The following PDE1C variants were observed in gnomAD, a reference collection of about 807,000 sequenced individuals.
PDE1C encodes phosphodiesterase 1C.
Under a neutral mutation model 93.1 loss-of-function variants are expected in PDE1C, and 62 were observed. The observed-to-expected ratio is 0.67, with a 90% confidence interval of 0.54 to 0.82. The LOEUF (loss-of-function observed/expected upper bound fraction) is 0.82, where lower values mean the gene tolerates loss of function less well. PDE1C is among the 40% of genes least tolerant of loss of function. The pLI, the probability that PDE1C is intolerant of heterozygous loss-of-function variation, is 0.00. For synonymous variants in PDE1C, 325 were observed against 310.1 expected (o/e 1.05, Z -0.50); for missense variants, 742 against 884.6 (o/e 0.84, Z 2.04).
intron 3 of PDE1C, among the ~76,000 whole-genome samples, chr7:31,880,294 G>A (rs554739211): frequency 2.6e-5 from 4 of 152,262 alleles, no homozygotes; most frequent in Admixed American, 6.5e-5. Flanking sequence ...AGCGACATAC[G>A]TAAGACTGAA....
At chr7:31,979,785 C>T (rs1431064660) in intron 2 of PDE1C, among the ~76,000 whole-genome samples, 1 of 152,118 alleles carries the variant, frequency 6.6e-6, no homozygotes, top group East Asian at 1.9e-4. Flanking sequence ...GCCAAGGAAA[C>T]AAAGAAGGAG....
intron 1 of PDE1C, among the ~76,000 whole-genome samples, chr7:32,244,427 A>G (rs1245901861): frequency 2.0e-5 from 3 of 152,204 alleles, no homozygotes; most frequent in Non-Finnish European, 4.4e-5. Context: ...GCCCTGACCT[A>G]GCCAGTCCTG....
At chr7:32,364,399 G>A (rs899008576) in intron 1 of PDE1C, among the ~76,000 whole-genome samples, 1 of 152,196 alleles carries the variant, frequency 6.6e-6, no homozygotes, top group Non-Finnish European at 1.5e-5. Flanking sequence ...GTGGTAACTG[G>A]AAGTCCAGGA....
At chr7:32,278,503 G>A (rs935249020) in intron 1 of PDE1C, among the ~76,000 whole-genome samples, 1 of 152,204 alleles carries the variant, frequency 6.6e-6, no homozygotes, top group Non-Finnish European at 1.5e-5. Context: ...CATTAGAAGA[G>A]ATTCACATCT....
chr7:32,082,702 C>T (rs1283525970), intron 3 of PDE1C, among the ~76,000 whole-genome samples: 1 of 152,146 alleles, frequency 6.6e-6, no homozygotes, highest in Non-Finnish European at 1.5e-5. Context: ...CACCAAAATC[C>T]ACTGTTCTGC....
chr7:31,768,369 A>G (rs1668436352), intron 17 of PDE1C, among the ~76,000 whole-genome samples: 1 of 152,218 alleles, frequency 6.6e-6, no homozygotes, highest in Non-Finnish European at 1.5e-5. Flanking sequence ...ACTGACAAGC[A>G]TAATATCTGT....
chr7:31,621,275 C>T, the PDE1C span, among the ~76,000 whole-genome samples: 2 of 113,984 alleles, frequency 1.8e-5, no homozygotes, highest in South Asian at 4.2e-4. Context: ...AGATACTCCT[C>T]GAGAAGAGCA....
At chr7:32,044,556 A>C (rs1792265034) in intron 2 of PDE1C, among the ~76,000 whole-genome samples, 1 of 152,144 alleles carries the variant, frequency 6.6e-6, no homozygotes, top group African/African-American at 2.4e-5. Flanking sequence ...AGCATGGAGA[A>C]GATGAAGAAA....
At chr7:31,768,998 G>T (rs111699799) in intron 17 of PDE1C, among the ~76,000 whole-genome samples, 2 of 152,026 alleles carry the variant, frequency 1.3e-5, no homozygotes, top group African/African-American at 4.8e-5. Context: ...GTTTTGTCAC[G>T]TTGGCTAGGC....
At chr7:32,417,759 A>C (rs558995425) in intron 1 of PDE1C, among the ~76,000 whole-genome samples, 16 of 150,854 alleles carry the variant, frequency 1.1e-4, no homozygotes, top group Admixed American at 9.2e-4. Flanking sequence ...TAAGATGATG[A>C]TCTTTTAGGC....
At chr7:31,859,191 C>CTA (rs977311079) in intron 7 of PDE1C, among the ~76,000 whole-genome samples, 49 of 148,788 alleles carry the variant, frequency 3.3e-4, no homozygotes, top group East Asian at 3.1e-3. Context: ...GATTTATTGA[C>CTA]TATATATAGA....
chr7:32,413,507 C>A (rs1437224972), intron 1 of PDE1C, among the ~76,000 whole-genome samples: 2 of 152,130 alleles, frequency 1.3e-5, no homozygotes, highest in Non-Finnish European at 2.9e-5. Context: ...CTCTTACACG[C>A]AGGACCCAGA....
the PDE1C span, among the ~76,000 whole-genome samples, chr7:31,743,452 A>G: frequency 6.6e-6 from 1 of 152,102 alleles, no homozygotes. Flanking sequence ...CAATAGGAGT[A>G]TAAGAAAAAA....
Position 32,204,717 on chromosome 7 carries a change from T to C in PDE1C, c.136+4772A>G, listed in dbSNP as rs139308411. On this transcript the variant is annotated intron_variant, in intron 2 of 18. Transcript: ENST00000396193. ...AAGATTAGAAGTTACCTTTTTTACC[T>C]ATTATCCCCATTCAGACCCTCAAGC... is the stretch of plus-strand genomic sequence containing the variant. 3.9e-3 allele frequency among the ~76,000 whole-genome samples: 587 copies of C among 152,320 alleles called. 5 individuals are homozygous for C. The highest frequency in any genetic ancestry group is 0.013 in the African/African-American group (557 of 41,556).
chr7:32,059,526 C>G (rs1009309067), intron 1 of PDE1C, among the ~76,000 whole-genome samples: 19 of 152,300 alleles, frequency 1.2e-4, no homozygotes, highest in African/African-American at 4.6e-4. Context: ...ATCCCCTCGG[C>G]TGCCTGCAGA....
chr7:31,841,203 CTCTCTG>C (rs1791819512), intron 9 of PDE1C, among the ~76,000 whole-genome samples: 1 of 38,820 alleles, frequency 2.6e-5, no homozygotes, highest in Non-Finnish European at 4.7e-5. Flanking sequence ...CTCTCTCCCT[CTCTCTG>C]TCTCTCTCTC....
intron 2 of PDE1C, among the ~76,000 whole-genome samples, chr7:32,029,052 C>T (rs575032664): frequency 6.3e-4 from 96 of 152,062 alleles, no homozygotes; most frequent in Middle Eastern, 6.8e-3. Context: ...AGCAAAAAAA[C>T]AAAAAGCCTA....
At chr7:32,344,358 G>C (rs557582819) in intron 1 of PDE1C, among the ~76,000 whole-genome samples, 1 of 152,184 alleles carries the variant, frequency 6.6e-6, no homozygotes, top group Non-Finnish European at 1.5e-5. Context: ...TTACAGGCAT[G>C]AGCTACCACG....
chr7:32,147,983 C>CCAA (rs1801000705), intron 3 of PDE1C, among the ~76,000 whole-genome samples: 1 of 10,158 alleles, frequency 9.8e-5, no homozygotes, highest in Non-Finnish European at 1.7e-4. Flanking sequence ...CCCATTTATG[C>CCAA]TAAAAAAAAA....
Sources: gnomAD v4.1 joint callset for allele counts (sites outside exome capture counted in the v4.1 genomes callset) on GRCh38, gnomAD v4.1.1 for gene constraint, MANE v1.5 for transcripts, NCBI Gene and HGNC (gene_info 2026-07-23, HGNC 2026-07-21) for gene names.